The following ARHGEF40 variants were observed in gnomAD, a reference collection of about 807,000 sequenced individuals.
ARHGEF40 encodes the protein Rho guanine nucleotide exchange factor (GEF) 40.
ARHGEF40 carries 98 observed loss-of-function variants against 165.9 expected under a neutral mutation model. The ratio of observed to expected loss-of-function variants is 0.59; its 90% CI spans 0.50 to 0.70. The LOEUF is 0.70. ARHGEF40 is among the 30% of genes least tolerant of loss of function. The pLI is 0.00. For synonymous variants in ARHGEF40, 792 were observed against 814.3 expected, an observed-to-expected ratio of 0.97 and a Z score of 0.47; for missense variants, 1,815 against 1,968.0, an observed-to-expected ratio of 0.92 and a Z score of 1.47.
rs115275386 is a variant in ARHGEF40 at position 21,090,111 on chromosome 14, G to A, written c.*1103G>A. 120 of 413,402 alleles carry A rather than the reference G, an allele frequency of 2.9e-4. No individual in the cohort carries two copies. The highest frequency in any genetic ancestry group is 1.9e-3 in the African/African-American group (95 of 48,894). The allele number at this position is 413,402 out of a possible 1,614,324, so 25.6% of individuals were successfully genotyped here. On this transcript the variant is annotated 3_prime_UTR_variant, in exon 24 of 24. Coordinates refer to ENST00000298694, the MANE Select transcript of ARHGEF40 (RefSeq NM_018071.5). The surrounding 1 kb of genome is among the most constrained non-coding windows in gnomAD (Gnocchi z 4.4). ...CAAGACACCTGTTTATTGGGGACAC[G>A]ACTCTGCAATAGGGATGACAGGAAT...
Position 21,074,805 on chromosome 14 carries a change from G to A in ARHGEF40, c.1075G>A (p.Gly359Arg), listed in dbSNP as rs1427799882. The A allele has an allele frequency of 1.9e-6, 3 of 1,607,074 alleles. No individual in the cohort carries two copies. The highest frequency in any genetic ancestry group is 1.1e-5 in the South Asian group (1 of 90,526). The stretch of plus-strand genomic sequence containing the variant: ...GAGGCCAGGGGAGCTTAGAGGAGGA[G>A]GAGGAGGAGGCCAGGGGGCTGAAGG... ...PLRPGELRGG[G>R]GGGQGAEGPP... Residue 359 changes from glycine to arginine, a missense_variant, in exon 3 of 24, where the codon GGA becomes AGA. Physicochemically the swap from Gly to Arg is moderately radical, Grantham distance 125 (BLOSUM62 -2). Transcript: ENST00000298694. This position sits in a 1 kb window ranked among gnomAD's most constrained non-coding sequence, Gnocchi z 4.8.
chr14:21,078,566 T>G (rs1002667566), intron 10 of ARHGEF40, 78 bp downstream of exon 10: 5 of 1,386,186 alleles, frequency 3.6e-6, no homozygotes, highest in Non-Finnish European at 4.9e-6. Flanking sequence ...AAACCTTAGC[T>G]GCCAGACCAT....
chr14:21,078,330 C>A, intron 9 of ARHGEF40, 43 bp from the exon 10 acceptor site: 1 of 1,598,120 alleles, frequency 6.3e-7, no homozygotes, highest in South Asian at 1.1e-5. Context: ...GGGGTGGAGA[C>A]TCTCTGGTGG....
chr14:21,076,585 T>C lies in ARHGEF40; in HGVS notation c.1859T>C (p.Val620Ala). The change falls in exon 7 of 24, where the codon GTT becomes GCT. Residue 620 changes from valine to alanine, a missense_variant. Physicochemically the swap from Val to Ala is moderately conservative, Grantham distance 64. Transcript: ENST00000298694. ...TAGGACTCAGGAGATCCTCCCCTTGTTCAGCGGCTGCTGATTCTCATTCAT... is the reference window on the plus strand; with the variant it reads ...TAGGACTCAGGAGATCCTCCCCTTGCTCAGCGGCTGCTGATTCTCATTCAT... ...QLQDSGDPPL[V>A]QRLLILIHDD... 1 of 1,614,226 alleles carries C rather than the reference T, an allele frequency of 6.2e-7. No individual in the cohort carries two copies. The highest frequency in any genetic ancestry group is 8.5e-7 in the Non-Finnish European group (1 of 1,180,042).
At position 21,076,677 on chromosome 14, in the gene ARHGEF40, CAGT is replaced by C; in HGVS notation, c.1917+38_1917+40del. The C allele has an allele frequency of 3.2e-6, 5 of 1,570,322 alleles. No homozygotes were observed. In the Admixed American group the frequency reaches 5.3e-5, roughly 17 times the overall value. Reference sequence around the variant, plus strand: ...CCTTCATTCCCATCTAGTTTCCCATCAGTAGTGGGGAGAGGAGAAGAGGCTGGC... The same window carrying C: ...CCTTCATTCCCATCTAGTTTCCCATCAGTGGGGAGAGGAGAAGAGGCTGGC... On this transcript the variant is annotated intron_variant, in intron 7 of 23. Transcript: ENST00000298694.
At chr14:21,084,653 C>A (rs1283802691) in intron 17 of ARHGEF40, 100 bp from the exon 18 acceptor site, 4 of 1,322,308 alleles carry the variant, frequency 3.0e-6, no homozygotes, top group Non-Finnish European at 3.1e-6. Flanking sequence ...ACCTGAGAAC[C>A]AGTGCATTAG....
At position 21,090,152 on chromosome 14, in the gene ARHGEF40, G is replaced by A. The variant is rs878999667; in HGVS notation, c.*1144G>A. ...TGACAGGAATCGTACCAAAAATAGC[G>A]ACGTCTACAGGGCCCCTGATGGGGC... On this transcript the variant is annotated 3_prime_UTR_variant, in exon 24 of 24. Coordinates refer to ENST00000298694, the MANE Select transcript of ARHGEF40 (RefSeq NM_018071.5). This position sits in a 1 kb window ranked among gnomAD's most constrained non-coding sequence, Gnocchi z 4.4. 4.2e-6 allele frequency: 2 copies of A among 477,236 alleles called. No individual in the cohort carries two copies. The highest frequency in any genetic ancestry group is 3.1e-5 in the South Asian group (2 of 63,734). 29.6% of individuals were successfully genotyped at this position (477,236 alleles called of 1,614,324 possible).
chr14:21,068,572 G>A (rs1886414318), upstream of ARHGEF40, among the ~76,000 whole-genome samples: 1 of 152,006 alleles, frequency 6.6e-6, no homozygotes, highest in South Asian at 2.1e-4. Flanking sequence ...TTAAACACTG[G>A]CCCCTGTAAC....
Position 21,074,173 on chromosome 14 carries a change from A to C in ARHGEF40, c.443A>C (p.Glu148Ala). The change falls in exon 3 of 24, where the codon GAG becomes GCG. Residue 148 changes from glutamate (E) to alanine (A), a missense_variant. Coordinates refer to ENST00000298694, the MANE Select transcript of ARHGEF40 (RefSeq NM_018071.5). This position sits in a 1 kb window ranked among gnomAD's most constrained non-coding sequence, Gnocchi z 4.8. ...NEACAYLFTP[E>A]WLQGINKDRP... is the part of the protein sequence containing the mutation. ...GCTTGTGCCTACCTATTCACACCTG[A>C]GTGGCTACAAGGCATCAACAAGGAC... 1 of 1,614,088 alleles carries C rather than the reference A, an allele frequency of 6.2e-7. No individual in the cohort carries two copies. The highest frequency in any genetic ancestry group is 1.3e-5 in the African/African-American group (1 of 75,028).
chr14:21,075,145 G>C lies in ARHGEF40; in HGVS notation c.1415G>C (p.Arg472Thr). ...CGPTEEGAGE[R>T]ELEGPGLLCM... The stretch of plus-strand genomic sequence containing the variant: ...CCTACAGAAGAGGGGGCCGGAGAGA[G>C]AGAGCTGGAGGGGCCAGGCCTGCTG... Residue 472 changes from arginine to threonine, a missense_variant, in exon 3 of 24, where the codon AGA becomes ACA. Arg to Thr is a moderately conservative substitution (Grantham distance 71, BLOSUM62 -1). Coordinates refer to ENST00000298694, the MANE Select transcript of ARHGEF40 (RefSeq NM_018071.5). This position sits in a 1 kb window ranked among gnomAD's most constrained non-coding sequence, Gnocchi z 4.5. 6.2e-7 allele frequency: 1 copy of C among 1,610,290 alleles called. No individual in the cohort carries two copies. The highest frequency in any genetic ancestry group is 1.1e-5 in the South Asian group (1 of 90,678).
chr14:21,083,931 G>A lies in ARHGEF40; in HGVS notation c.3670G>A (p.Glu1224Lys). 6.2e-7 allele frequency: 1 copy of A among 1,614,106 alleles called. No individual in the cohort carries two copies. The highest frequency in any genetic ancestry group is 8.5e-7 in the Non-Finnish European group (1 of 1,180,040). The change falls in exon 17 of 24, where the codon GAA (glutamate) becomes AAA (lysine). Residue 1224 changes from glutamate (E) to lysine (K), a missense_variant. By Grantham distance (56) the Glu-to-Lys change is moderately conservative. Transcript: ENST00000298694. ...GCGGCTCCTGGAGGAGCTCCTGAGG[G>A]AAGCTGGGCCTGAGCTCAGTTCTGA... ...YGRLLEELLREAGPELSSECR... is the reference protein window; with the variant it reads ...YGRLLEELLRKAGPELSSECR...
At chr14:21,069,069 G>A (rs1397719352), upstream of ARHGEF40, among the ~76,000 whole-genome samples, 4 of 152,212 alleles carry the variant, frequency 2.6e-5, no homozygotes, top group African/African-American at 7.2e-5. Flanking sequence ...GGGACTATTC[G>A]GCTTTCCGAT....
chr14:21,082,621 C>T (rs1888014946), intron 15 of ARHGEF40, 143 bp downstream of exon 15: 1 of 1,119,734 alleles, frequency 8.9e-7, no homozygotes, highest in African/African-American at 1.6e-5. Flanking sequence ...TCTGTGGGCA[C>T]TTCTGCCTCT....
At position 21,073,225 on chromosome 14, in the gene ARHGEF40, G is replaced by A; in HGVS notation, c.184G>A (p.Val62Ile). The change falls in exon 2 of 24, where the codon GTC becomes ATC. Residue 62 changes from valine to isoleucine, a missense_variant. Physicochemically the swap from Val to Ile is conservative, Grantham distance 29. Coordinates refer to ENST00000298694, the MANE Select transcript of ARHGEF40 (RefSeq NM_018071.5). This position sits in a 1 kb window ranked among gnomAD's most constrained non-coding sequence, Gnocchi z 4.6. The stretch of plus-strand genomic sequence containing the variant: ...ACCAGCCAAGCACCTGCTTGCCAAG[G>A]TCCAGCAGGAAGCCTGTGTGAGTGG... ...LVPAKHLLAKVQQEACAQYSG... is the reference protein window; with the variant it reads ...LVPAKHLLAKIQQEACAQYSG... 6 of 1,611,414 alleles carry A rather than the reference G, an allele frequency of 3.7e-6. No homozygotes were observed. Among genetic ancestry groups the A allele is most frequent in the Non-Finnish European group, 5.1e-6 (6 of 1,178,928 alleles).
rs1159896037 is a variant in ARHGEF40, at chr14:21,075,928, T to A, written c.1739+163T>A. 6.6e-6 allele frequency among the ~76,000 whole-genome samples: 1 copy of A among 152,170 alleles called. No homozygotes were observed. Among genetic ancestry groups the A allele is most frequent in the Non-Finnish European group, 1.5e-5 (1 of 68,036 alleles). Reference sequence around the variant, plus strand: ...ACCTTTGGCCTTACTTACCCTGACCTCCAGCTTCATATCTTCACTGATCTT... The same window carrying A: ...ACCTTTGGCCTTACTTACCCTGACCACCAGCTTCATATCTTCACTGATCTT... On this transcript the variant is annotated intron_variant, in intron 5 of 23. Coordinates refer to ENST00000298694, the MANE Select transcript of ARHGEF40 (RefSeq NM_018071.5). This position sits in a 1 kb window ranked among gnomAD's most constrained non-coding sequence, Gnocchi z 4.5.
intron 15 of ARHGEF40, 98 bp from the exon 16 acceptor site, chr14:21,082,733 C>T: frequency 7.7e-7 from 1 of 1,297,568 alleles, no homozygotes; most frequent in Non-Finnish European, 1.1e-6. Flanking sequence ...GGTGACCCAT[C>T]CCTCATTTGG....
intron 22 of ARHGEF40, among the ~76,000 whole-genome samples, chr14:21,088,602 C>T (rs1888568772): frequency 6.6e-6 from 1 of 152,098 alleles, no homozygotes; most frequent in African/African-American, 2.4e-5. Context: ...AGGAGGATCT[C>T]TTGAGCCCAG....
At position 21,074,881 on chromosome 14, in the gene ARHGEF40, G is replaced by C. The variant is rs140605954; in HGVS notation, c.1151G>C (p.Arg384Pro). The C allele has an allele frequency of 1.9e-6, 3 of 1,610,928 alleles. No homozygotes were observed. Among genetic ancestry groups the C allele is most frequent in the Non-Finnish European group, 2.5e-6 (3 of 1,178,798 alleles). The change falls in exon 3 of 24, where the codon CGA becomes CCA. Residue 384 changes from arginine to proline, a missense_variant. Coordinates refer to ENST00000298694, the MANE Select transcript of ARHGEF40 (RefSeq NM_018071.5). This position sits in a 1 kb window ranked among gnomAD's most constrained non-coding sequence, Gnocchi z 4.8. Reference protein sequence around the residue: ...RTGKGNRRKKRAAGRGALSRG... With the variant: ...RTGKGNRRKKPAAGRGALSRG... ...GGCAAAGGAAACAGAAGAAAGAAGC[G>C]AGCTGCAGGTCGAGGGGCTCTTAGC...
In ARHGEF40 at chr14:21,074,618, G is replaced by T; in HGVS notation, c.888G>T (p.Gly296=). The stretch of plus-strand genomic sequence containing the variant: ...CGTGGATGCACCAGAAGGGCCTGGG[G>T]CCTCGGGGCCAGGATGGAGCACGCC... The part of the protein sequence containing the change: ...HRAWMHQKGL[G]PRGQDGARPP... Residue 296 remains glycine (G), a synonymous_variant, in exon 3 of 24, where the codon GGG becomes GGT. Transcript: ENST00000298694. This position sits in a 1 kb window ranked among gnomAD's most constrained non-coding sequence, Gnocchi z 4.8. 6.4e-7 allele frequency: 1 copy of T among 1,567,318 alleles called. No individual in the cohort carries two copies. The highest frequency in any genetic ancestry group is 8.6e-7 in the Non-Finnish European group (1 of 1,157,306).
Sources: gnomAD v4.1 joint callset for allele counts (sites outside exome capture counted in the v4.1 genomes callset) on GRCh38, gnomAD v4.1.1 for gene constraint, Gnocchi (gnomAD v3.1) non-coding constraint, MANE v1.5 for transcripts, NCBI Gene and HGNC (gene_info 2026-07-23, HGNC 2026-07-21) for gene names.